DYM: variants seen among roughly 807,000 people sequenced by gnomAD.
DYM encodes dymeclin.
A neutral mutation model predicts 93.1 loss-of-function variants in DYM; 78 were observed. That is an observed-to-expected ratio of 0.84 (90% CI 0.70 to 1.01). DYM has a LOEUF of 1.01. Ranked by LOEUF, DYM falls within the 50% of genes least tolerant of loss-of-function variation. The pLI, the probability that DYM is intolerant of heterozygous loss-of-function variation, is 0.00. For synonymous variants in DYM, 321 were observed against 319.7 expected (o/e 1.00, Z -0.04); for missense variants, 789 against 845.0 (o/e 0.93, Z 0.82).
At chr18:49,136,486 G>A (rs1029125136) in intron 15 of DYM, among the ~76,000 whole-genome samples, 3 of 151,966 alleles carry the variant, frequency 2.0e-5, no homozygotes, top group Admixed American at 2.0e-4. Context: ...TATTTATAAG[G>A]GTCTGACTTA....
chr18:49,398,142 C>T (rs892126894), intron 2 of DYM, among the ~76,000 whole-genome samples: 2 of 152,022 alleles, frequency 1.3e-5, no homozygotes, highest in African/African-American at 4.8e-5. Flanking sequence ...TAAGTTTCAC[C>T]TAGGACTGAC....
chr18:49,375,195 C>CACACAT (rs1470708642), intron 5 of DYM, among the ~76,000 whole-genome samples: 1 of 48,852 alleles, frequency 2.0e-5, no homozygotes, highest in African/African-American at 1.4e-4. Flanking sequence ...GGGGAAAAGA[C>CACACAT]ACACACACAC....
At chr18:49,316,650 T>C (rs1259233020) in intron 8 of DYM, among the ~76,000 whole-genome samples, 1 of 152,188 alleles carries the variant, frequency 6.6e-6, no homozygotes, top group Non-Finnish European at 1.5e-5. Flanking sequence ...GCAGGATATA[T>C]CATCACATCA....
intron 2 of DYM, among the ~76,000 whole-genome samples, chr18:49,420,998 A>T (rs374444750): frequency 3.9e-4 from 60 of 152,264 alleles, no homozygotes; most frequent in African/African-American, 1.4e-3. Flanking sequence ...TTGAGTACCT[A>T]AACAAAGCAG....
chr18:49,303,764 T>A (rs1262128231), intron 8 of DYM, among the ~76,000 whole-genome samples: 1 of 152,268 alleles, frequency 6.6e-6, no homozygotes, highest in South Asian at 2.1e-4. Flanking sequence ...ATAAAGTATG[T>A]ATCTTTCATT....
intron 15 of DYM, among the ~76,000 whole-genome samples, chr18:49,119,158 A>G (rs747584454): frequency 6.6e-6 from 1 of 152,220 alleles, no homozygotes; most frequent in Non-Finnish European, 1.5e-5. Context: ...GGAATTTCAT[A>G]TAATAAATTA....
chr18:49,297,879 T>C (rs952783917), intron 8 of DYM, among the ~76,000 whole-genome samples: 10 of 152,084 alleles, frequency 6.6e-5, no homozygotes, highest in Admixed American at 5.2e-4. Flanking sequence ...CAAGTATCAC[T>C]TTTTCTATTT....
At chr18:49,258,781 GACACACACAC>G (rs61429427) in intron 11 of DYM, among the ~76,000 whole-genome samples, 96 of 112,410 alleles carry the variant, frequency 8.5e-4, no homozygotes, top group East Asian at 2.8e-3. Context: ...AGGGATCATA[GACACACACAC>G]ACACACACAC....
chr18:49,169,523 C>A (rs536421887), intron 14 of DYM, among the ~76,000 whole-genome samples: 4 of 152,258 alleles, frequency 2.6e-5, no homozygotes, highest in African/African-American at 7.2e-5. Context: ...GAAAGCCAGA[C>A]GTGTTCTATG....
intron 11 of DYM, among the ~76,000 whole-genome samples, chr18:49,269,703 T>C (rs142261720): frequency 9.8e-4 from 149 of 152,348 alleles, no homozygotes; most frequent in African/African-American, 3.2e-3. Flanking sequence ...GTAGCCATTG[T>C]AGCACAACAC....
chr18:49,094,918 G>A (rs1431799775), intron 17 of DYM, among the ~76,000 whole-genome samples: 2 of 152,160 alleles, frequency 1.3e-5, no homozygotes, highest in African/African-American at 4.8e-5. Flanking sequence ...CCAGAAGGTA[G>A]TAGTAAAGAA....
intron 13 of DYM, among the ~76,000 whole-genome samples, chr18:49,223,069 T>C (rs1209421462): frequency 6.6e-6 from 1 of 152,148 alleles, no homozygotes; most frequent in East Asian, 1.9e-4. Flanking sequence ...AAAAATTCCA[T>C]CTAAATGATC....
chr18:49,257,583 CCCAACACTT>C, intron 12 of DYM, among the ~76,000 whole-genome samples: 1 of 152,172 alleles, frequency 6.6e-6, no homozygotes, highest in Non-Finnish European at 1.5e-5. Context: ...CGCCTGTAAT[CCCAACACTT>C]TGGGAGGCCA....
At chr18:49,078,193 G>A (rs2077471796) in intron 17 of DYM, among the ~76,000 whole-genome samples, 1 of 151,806 alleles carries the variant, frequency 6.6e-6, no homozygotes, top group Admixed American at 6.6e-5. Flanking sequence ...TATTACTTAG[G>A]GTGACCATAG....
chr18:49,165,866 G>T lies in DYM; in HGVS notation c.1626-2079C>A, dbSNP rs141751309. 8.7e-4 allele frequency among the ~76,000 whole-genome samples: 133 copies of T among 152,164 alleles called. 1 individual carries two copies. Among genetic ancestry groups the T allele is most frequent in the African/African-American group, 3.0e-3 (125 of 41,524 alleles). On this transcript the variant is annotated intron_variant, in intron 14 of 17. Coordinates refer to ENST00000675505, the MANE Select transcript of DYM (RefSeq NM_001353214.3). ...CACCTTAGGCCCTACCCAATGTCTT[G>T]AAAAAGAAGAAAGAGTTATCTGTGC...
chr18:49,055,714 T>A (rs1399503723), intron 17 of DYM, among the ~76,000 whole-genome samples: 1 of 152,182 alleles, frequency 6.6e-6, no homozygotes, highest in East Asian at 1.9e-4. Flanking sequence ...GAGGGCCAAA[T>A]GGGCAGAATG....
intron 17 of DYM, among the ~76,000 whole-genome samples, chr18:49,069,280 GA>G (rs1178610821): frequency 6.6e-6 from 1 of 152,146 alleles, no homozygotes; most frequent in East Asian, 1.9e-4. Flanking sequence ...AAAATAAAAA[GA>G]AAACTAACCT....
chr18:49,391,312 T>C (rs1412438301), intron 3 of DYM: 1 of 375,168 alleles, frequency 2.7e-6, no homozygotes. Context: ...GTAAATCACA[T>C]TATTTTCAGT....
chr18:49,334,547 G>A (rs1943012), intron 6 of DYM, among the ~76,000 whole-genome samples: 17,028 of 152,142 alleles, frequency 0.11, 1,124 homozygotes, highest in African/African-American at 0.19. Context: ...GAAATTTCCA[G>A]TTACTGCAAA....
Sources: allele counts gnomAD v4.1 joint callset (sites outside exome capture counted in the v4.1 genomes callset), GRCh38; gene constraint gnomAD v4.1.1; transcripts MANE v1.5; gene names NCBI Gene and HGNC (gene_info 2026-07-23, HGNC 2026-07-21).